Variants in FBN1 observed in about 807,000 individuals in gnomAD.
FBN1 encodes the protein fibrillin 1.
Under a neutral mutation model 365.1 loss-of-function variants are expected in FBN1, and 29 were observed. That is an observed-to-expected ratio of 0.08 (90% CI 0.06 to 0.11). The LOEUF (loss-of-function observed/expected upper bound fraction) is 0.11. FBN1 is among the 10% of genes least tolerant of loss of function. The pLI is 1.00. For missense variants in FBN1, 2,476 were observed against 3,703.2 expected (o/e 0.67, Z 8.60); for synonymous variants, 1,210 against 1,270.5 (o/e 0.95, Z 1.01).
chr15:48,600,370 G>T, intron 4 of FBN1, 136 bp from the exon 5 acceptor site: 1 of 714,478 alleles, frequency 1.4e-6, no homozygotes, highest in Non-Finnish European at 2.5e-6. Flanking sequence ...ACCTGATAAT[G>T]ACCTAATTGA....
rs780370404 is a variant in FBN1, at chr15:48,437,318, T to C, written c.6379+4A>G. On this transcript the variant is annotated splice_donor_region_variant and intron_variant, in intron 52 of 65. Coordinates refer to ENST00000316623, the MANE Select transcript of FBN1 (RefSeq NM_000138.5). ...ATGCTGAGAATCCAGCACAGGCAACTGACCAACTGCTGAATCATCAGGTCC... is the reference window on the plus strand; with the variant it reads ...ATGCTGAGAATCCAGCACAGGCAACCGACCAACTGCTGAATCATCAGGTCC... The C allele has an allele frequency of 1.1e-5, 17 of 1,612,022 alleles. No individual in the cohort carries two copies. In the East Asian group the frequency reaches 3.6e-4, roughly 34 times the overall value.
intron 4 of FBN1, among the ~76,000 whole-genome samples, chr15:48,607,371 T>TAC (rs770929674): frequency 8.1e-5 from 2 of 24,748 alleles, no homozygotes; most frequent in East Asian, 2.8e-3. Context: ...CATATACATA[T>TAC]ATATATATAT....
chr15:48,440,899 T>TAA (rs146628631), intron 50 of FBN1, among the ~76,000 whole-genome samples: 7,257 of 133,808 alleles, frequency 0.054, 275 homozygotes, highest in East Asian at 0.11. Flanking sequence ...CAAAAAACCA[T>TAA]GAAAAAAAAA....
rs8041993 is a variant in FBN1 at position 48,606,524 on chromosome 15, G to C, written c.346+4204C>G. Among the ~76,000 whole-genome samples the C allele has an allele frequency of 7.0e-3, 1,063 of 152,294 alleles. 17 individuals are homozygous for C. The highest frequency in any genetic ancestry group is 0.025 in the African/African-American group (1,018 of 41,550). On this transcript the variant is annotated intron_variant, in intron 4 of 65. Coordinates refer to ENST00000316623, the MANE Select transcript of FBN1 (RefSeq NM_000138.5). ...CTGTGATTCCATTTATATAACATTT[G>C]TGAAATGAAAAAATTATAGAAATGT...
chr15:48,471,236 G>A (rs1416062408), intron 35 of FBN1, among the ~76,000 whole-genome samples: 1 of 152,128 alleles, frequency 6.6e-6, no homozygotes, highest in South Asian at 2.1e-4. Context: ...GACGGAGATT[G>A]GAAAACCGCA....
At chr15:48,491,874 C>T (rs541805460) in intron 24 of FBN1, among the ~76,000 whole-genome samples, 7 of 152,276 alleles carry the variant, frequency 4.6e-5, no homozygotes, top group East Asian at 1.9e-4. Flanking sequence ...GCCACTATCA[C>T]GAGCCCATAG....
At chr15:48,513,898 CAT>C (rs1232627671) in intron 12 of FBN1, among the ~76,000 whole-genome samples, 1 of 152,156 alleles carries the variant, frequency 6.6e-6, no homozygotes, top group Non-Finnish European at 1.5e-5. Flanking sequence ...AAATTCCAAA[CAT>C]GTAGCAACTC....
chr15:48,474,221 A>G (rs1261349302), intron 34 of FBN1, 34 bp downstream of exon 34: 1 of 1,613,790 alleles, frequency 6.2e-7, no homozygotes, highest in South Asian at 1.1e-5. Context: ...TTCTCTGACT[A>G]GTGTTGACAC....
At chr15:48,509,137 T>C (rs1597577406) in intron 14 of FBN1, among the ~76,000 whole-genome samples, 1 of 152,276 alleles carries the variant, frequency 6.6e-6, no homozygotes, top group East Asian at 1.9e-4. Context: ...TTAGGCTACA[T>C]CCTAATTCTT....
intron 4 of FBN1, among the ~76,000 whole-genome samples, chr15:48,609,812 G>A (rs1164273555): frequency 6.6e-6 from 1 of 152,190 alleles, no homozygotes; most frequent in East Asian, 1.9e-4. Context: ...TGCTACACAG[G>A]ACAATTTGCC....
At chr15:48,490,974 T>C (rs2043553437) in intron 24 of FBN1, among the ~76,000 whole-genome samples, 1 of 152,230 alleles carries the variant, frequency 6.6e-6, no homozygotes, top group African/African-American at 2.4e-5. Context: ...TAACAATATA[T>C]CTAACTCCCT....
Position 48,410,897 on chromosome 15 carries a change from T to G in FBN1, c.*93A>C. The G allele has an allele frequency of 8.3e-7, 1 of 1,206,542 alleles. No individual in the cohort carries two copies. The highest frequency in any genetic ancestry group is 2.5e-5 in the East Asian group (1 of 40,388). The allele number at this position is 1,206,542 out of a possible 1,614,324, so 74.7% of individuals were successfully genotyped here. A position where few individuals can be genotyped will look rare whatever the true frequency, so the allele number is the denominator to read the frequency against. ...TACAAATTTACTTGGTGAAAGATTG[T>G]ACCTATGATATGATGATTCTGATTG... is the stretch of plus-strand genomic sequence containing the variant. On this transcript the variant is annotated 3_prime_UTR_variant, in exon 66 of 66. Transcript: ENST00000316623.
chr15:48,498,498 A>G (rs1057376861), intron 18 of FBN1, among the ~76,000 whole-genome samples: 4 of 152,096 alleles, frequency 2.6e-5, no homozygotes, highest in Admixed American at 6.5e-5. Context: ...ATATTTCTCT[A>G]GCTAAATATT....
rs370404893 is a variant in FBN1 at position 48,440,528 on chromosome 15, T to C, written c.6163+1193A>G. The stretch of plus-strand genomic sequence containing the variant: ...GTACCATGCAGAATATCTGTTCGAA[T>C]TAAGCACCACCCTGAAATCCACACA... On this transcript the variant is annotated intron_variant, in intron 50 of 65. Coordinates refer to ENST00000316623, the MANE Select transcript of FBN1 (RefSeq NM_000138.5). Among the ~76,000 whole-genome samples, 81 of 152,086 alleles carry C rather than the reference T, an allele frequency of 5.3e-4. 1 individual carries two copies. The highest frequency in any genetic ancestry group is 1.9e-3 in the African/African-American group (78 of 41,500).
At position 48,476,714 on chromosome 15, in the gene FBN1, A is replaced by C. The variant is rs563105683; in HGVS notation, c.3965-2064T>G. On this transcript the variant is annotated intron_variant, in intron 32 of 65. Transcript: ENST00000316623. Reference sequence around the variant, plus strand: ...CAACCTCCGCCACCTGGGTTCAAGCAATTCTCCTGCCTCAGCCTCCCTAGT... The same window carrying C: ...CAACCTCCGCCACCTGGGTTCAAGCCATTCTCCTGCCTCAGCCTCCCTAGT... 2.7e-3 allele frequency: 398 copies of C among 149,858 alleles called. 2 individuals are homozygous for C. The highest frequency in any genetic ancestry group is 0.01 in the African/African-American group (389 of 38,190). 9.3% of individuals were successfully genotyped at this position (149,858 alleles called of 1,614,324 possible).
intron 32 of FBN1, among the ~76,000 whole-genome samples, chr15:48,478,842 GA>G (rs1387164294): frequency 2.6e-5 from 4 of 152,076 alleles, no homozygotes; most frequent in East Asian, 1.9e-4. Context: ...GTGATTGGGG[GA>G]AAAAACATGT....
At position 48,474,646 on chromosome 15, in the gene FBN1, G is replaced by A. The variant is rs536546914; in HGVS notation, c.3969C>T (p.Ile1323=). Residue 1323 remains isoleucine, a synonymous_variant, in exon 33 of 66, where the codon ATC becomes ATT. Transcript: ENST00000316623. Reference sequence around the variant, plus strand: ...TGTGTGCTCCAATTTCACATTCATTGATGTCTGGAAAAATGAGCAGTGATT... The same window carrying A: ...TGTGTGCTCCAATTTCACATTCATTAATGTCTGGAAAAATGAGCAGTGATT... ...GKKGKTGCTD[I]NECEIGAHNC... is the part of the protein sequence containing the mutation. 5.8e-5 allele frequency: 94 copies of A among 1,614,032 alleles called. No homozygotes were observed. In the South Asian group the frequency reaches 9.4e-4, roughly 16 times the overall value.
At chr15:48,575,467 A>G (rs1402409442) in intron 6 of FBN1, among the ~76,000 whole-genome samples, 1 of 152,122 alleles carries the variant, frequency 6.6e-6, no homozygotes, top group African/African-American at 2.4e-5. Context: ...ATTGTACCCA[A>G]TAGGTAATTT....
intron 43 of FBN1, 82 bp from the exon 44 acceptor site, chr15:48,456,844 G>GTGTGTGTGTGTGTGTA: frequency 1.6e-6 from 1 of 626,640 alleles, no homozygotes; most frequent in African/African-American, 5.7e-5. Context: ...AAGTGCGTGC[G>GTGTGTGTGTGTGTGTA]TGTGTGTGTG....
Sources: allele counts gnomAD v4.1 joint callset (sites outside exome capture counted in the v4.1 genomes callset), GRCh38; gene constraint gnomAD v4.1.1; transcripts MANE v1.5; gene names NCBI Gene and HGNC (gene_info 2026-07-23, HGNC 2026-07-21).